The following GARIN1B variants were observed in gnomAD, a reference collection of about 807,000 sequenced individuals.
GARIN1B encodes the protein Golgi-associated RAB2 interactor protein 1B.
the GARIN1B span, among the ~76,000 whole-genome samples, chr7:128,711,946 C>T: frequency 6.6e-6 from 1 of 152,174 alleles, no homozygotes; most frequent in African/African-American, 2.4e-5. Flanking sequence ...GAGGCTGAGG[C>T]AGGAGAATCA....
the GARIN1B span, among the ~76,000 whole-genome samples, chr7:128,722,048 G>C: frequency 1.3e-5 from 2 of 152,108 alleles, no homozygotes; most frequent in African/African-American, 4.8e-5. Context: ...GCTCATGAGA[G>C]ATATTGGTCT....
the GARIN1B span, chr7:128,718,731 A>C: frequency 6.9e-7 from 1 of 1,453,152 alleles, no homozygotes; most frequent in Admixed American, 2.0e-5. Flanking sequence ...TCTACCTCCA[A>C]AAGCCTTAGT....
the GARIN1B span, among the ~76,000 whole-genome samples, chr7:128,717,839 G>A: frequency 6.6e-6 from 1 of 151,668 alleles, no homozygotes; most frequent in Non-Finnish European, 1.5e-5. Flanking sequence ...TGCTTGTCTG[G>A]GACGAAGTAG....
At chr7:128,720,879 G>A in the GARIN1B span, among the ~76,000 whole-genome samples, 1 of 151,990 alleles carries the variant, frequency 6.6e-6, no homozygotes, top group Non-Finnish European at 1.5e-5. Flanking sequence ...TTTATATTAA[G>A]TTTGAAAATG....
the GARIN1B span, among the ~76,000 whole-genome samples, chr7:128,721,251 G>T: frequency 6.6e-6 from 1 of 152,120 alleles, no homozygotes; most frequent in African/African-American, 2.4e-5. Flanking sequence ...GCCTCCCAAA[G>T]TGCTGGGAGC....
chr7:128,712,963 T>C, the GARIN1B span, among the ~76,000 whole-genome samples: 1 of 152,144 alleles, frequency 6.6e-6, no homozygotes, highest in Non-Finnish European at 1.5e-5. Context: ...ATGTAATCTT[T>C]CTTACAGGAG....
the GARIN1B span, among the ~76,000 whole-genome samples, chr7:128,709,792 C>T: frequency 7.1e-6 from 1 of 141,310 alleles, no homozygotes; most frequent in Non-Finnish European, 1.5e-5. Flanking sequence ...CACCCTGTCA[C>T]CCAGGCTGGA....
At chr7:128,723,300 A>G in the GARIN1B span, 1 of 1,612,640 alleles carries the variant, frequency 6.2e-7, no homozygotes, top group Non-Finnish European at 8.5e-7. Flanking sequence ...GCCGACTTAC[A>G]CCAGCAGAAC....
At chr7:128,716,734 C>G in the GARIN1B span, 3 of 1,205,036 alleles carry the variant, frequency 2.5e-6, no homozygotes, top group Non-Finnish European at 3.5e-6. Context: ...TTAATAGTGT[C>G]GAGGTTGAGA....
chr7:128,718,597 C>T, the GARIN1B span, among the ~76,000 whole-genome samples: 3 of 152,194 alleles, frequency 2.0e-5, no homozygotes, highest in African/African-American at 7.2e-5. Context: ...TCCAGGGCCA[C>T]ACCCAATTCC....
At chr7:128,719,209 G>GTTCTAAATGATACTCAATAA in the GARIN1B span, 1 of 842,710 alleles carries the variant, frequency 1.2e-6, no homozygotes, top group Non-Finnish European at 1.8e-6. Flanking sequence ...CAGCTTTATT[G>GTTCTAAATGATACTCAATAA]AGTATCATTT....
chr7:128,712,315 A>G, the GARIN1B span, among the ~76,000 whole-genome samples: 8 of 152,186 alleles, frequency 5.3e-5, no homozygotes, highest in Non-Finnish European at 1.0e-4. Flanking sequence ...CTGTGGTAAA[A>G]TACACACAAC....
At chr7:128,729,117 T>C in the GARIN1B span, among the ~76,000 whole-genome samples, 111 of 152,278 alleles carry the variant, frequency 7.3e-4, no homozygotes, top group African/African-American at 2.6e-3. Context: ...TAGGCTGAAA[T>C]TGAATTGAAA....
At chr7:128,709,147 C>G in the GARIN1B span, 1 of 152,270 alleles carries the variant, frequency 6.6e-6, no homozygotes, top group Non-Finnish European at 1.5e-5. Flanking sequence ...CTCAAAGCCA[C>G]ATGTTGAGAA....
the GARIN1B span, chr7:128,724,813 C>T: frequency 7.8e-7 from 1 of 1,289,738 alleles, no homozygotes; most frequent in Non-Finnish European, 1.0e-6. Flanking sequence ...AATTCCCTTT[C>T]TTTCTGAGCA....
chr7:128,711,909 C>T, the GARIN1B span, among the ~76,000 whole-genome samples: 2 of 152,142 alleles, frequency 1.3e-5, no homozygotes, highest in African/African-American at 4.8e-5. Context: ...GGCATGTTGG[C>T]AGGTGCCTGC....
At chr7:128,720,221 AAC>A in the GARIN1B span, among the ~76,000 whole-genome samples, 1 of 144,556 alleles carries the variant, frequency 6.9e-6, no homozygotes, top group Non-Finnish European at 1.5e-5. Flanking sequence ...TTTTTTTTGA[AAC>A]AGTCTCCCTC....
the GARIN1B span, among the ~76,000 whole-genome samples, chr7:128,727,376 G>A: frequency 6.6e-6 from 1 of 152,180 alleles, no homozygotes; most frequent in African/African-American, 2.4e-5. Context: ...ACAAAGAAGG[G>A]GGTCCCTCAT....
At chr7:128,711,258 A>G in the GARIN1B span, among the ~76,000 whole-genome samples, 7 of 152,084 alleles carry the variant, frequency 4.6e-5, no homozygotes, top group Admixed American at 4.6e-4. Flanking sequence ...TTTACCTTGA[A>G]TCCAGTAACC....
Sources: gnomAD v4.1 joint callset for allele counts (sites outside exome capture counted in the v4.1 genomes callset) on GRCh38, gnomAD v4.1.1 for gene constraint, MANE v1.5 for transcripts, NCBI Gene and HGNC (gene_info 2026-07-23, HGNC 2026-07-21) for gene names.